Variants in RGMA observed in about 807,000 individuals in gnomAD.
RGMA encodes the protein repulsive guidance molecule BMP co-receptor a, also known as repulsive guidance molecule A.
In RGMA, 10 loss-of-function variants were observed where a neutral mutation model predicts 23.2. The observed-to-expected ratio is 0.43, with a 90% confidence interval of 0.27 to 0.73. RGMA has a LOEUF of 0.73. RGMA is among the 30% of genes least tolerant of loss of function. The probability of loss-of-function intolerance (pLI) is 0.20; values close to 1 mark genes in which losing one functional copy is unlikely to be tolerated. For missense variants in RGMA, 547 were observed against 630.5 expected (o/e 0.87, Z 1.42); for synonymous variants, 308 against 279.3 (o/e 1.10, Z -1.03).
At chr15:93,082,127 A>G (rs1895568282) in intron 1 of RGMA, among the ~76,000 whole-genome samples, 1 of 152,256 alleles carries the variant, frequency 6.6e-6, no homozygotes, top group Admixed American at 6.5e-5. Flanking sequence ...CCTGGCATAG[A>G]GTAAGTCTTG....
At chr15:93,062,899 G>A (rs1333540052) in intron 2 of RGMA, 3 of 152,460 alleles carry the variant, frequency 2.0e-5, no homozygotes, top group African/African-American at 4.8e-5. Flanking sequence ...GTCTTCCCAT[G>A]CCCATAACAA....
Position 93,080,326 on chromosome 15 carries a change from G to T in RGMA, c.15-7295C>A, listed in dbSNP as rs532254472. On this transcript the variant is annotated intron_variant, in intron 1 of 3. Coordinates refer to ENST00000329082, the MANE Select transcript of RGMA (RefSeq NM_020211.3). Reference sequence around the variant, plus strand: ...CGATCCTTCCTCCTCAGCCTCCCGAGTAGCTGGGACCACAGGTGCACACGC... The same window carrying T: ...CGATCCTTCCTCCTCAGCCTCCCGATTAGCTGGGACCACAGGTGCACACGC... Among the ~76,000 whole-genome samples, 17 of 152,174 alleles carry T rather than the reference G, an allele frequency of 1.1e-4. No individual in the cohort carries two copies. The South Asian group carries it at 3.5e-3, about 32-fold the overall frequency.
At chr15:93,069,113 T>TG (rs904010455) in intron 2 of RGMA, among the ~76,000 whole-genome samples, 30 of 135,478 alleles carry the variant, frequency 2.2e-4, no homozygotes, top group African/African-American at 7.6e-4. Flanking sequence ...TGCATTTTTT[T>TG]TTTGTTTGTT....
rs1435196213 is a variant in RGMA, at chr15:93,045,305, G to A, written c.1046C>T (p.Pro349Leu). 1.2e-6 allele frequency: 2 copies of A among 1,612,478 alleles called. No individual in the cohort carries two copies. Among genetic ancestry groups the A allele is most frequent in the Admixed American group, 3.3e-5 (2 of 59,986 alleles). The stretch of plus-strand genomic sequence containing the variant: ...GTATGGGAAGGTCTCGGGGGCTGTG[G>A]GTGCAGGGCTGGCGGCTGCCAGCCT... ...ARRLAAASPA[P>L]TAPETFPYET... Residue 349 changes from proline to leucine, a missense_variant, in exon 4 of 4, where the codon CCC becomes CTC. Pro to Leu is a moderately conservative substitution (Grantham distance 98). Transcript: ENST00000329082. This position sits in a 1 kb window ranked among gnomAD's most constrained non-coding sequence, Gnocchi z 6.9.
chr15:93,070,188 T>C (rs1465184598), intron 2 of RGMA, among the ~76,000 whole-genome samples: 1 of 152,210 alleles, frequency 6.6e-6, no homozygotes, highest in Admixed American at 6.5e-5. Flanking sequence ...GCCATCCACA[T>C]GGAGTAAGTA....
intron 2 of RGMA, among the ~76,000 whole-genome samples, chr15:93,059,905 AAAG>A (rs1342089060): frequency 6.6e-6 from 1 of 152,248 alleles, no homozygotes; most frequent in Non-Finnish European, 1.5e-5. Flanking sequence ...ACGTCCATGG[AAAG>A]AAGGAAGGAA....
intron 1 of RGMA, among the ~76,000 whole-genome samples, chr15:93,084,329 C>T (rs774683013): frequency 1.3e-5 from 2 of 152,180 alleles, no homozygotes; most frequent in African/African-American, 2.4e-5. Context: ...AGCATTTGAA[C>T]GGGCAGAATG....
In RGMA at chr15:93,039,904, C is replaced by A. The variant is rs1049566674; in HGVS notation, c.*5094G>T. Reference sequence around the variant, plus strand: ...AGTCACCTCCATATAGTAACTAGAACAATTCCTTTAATACCCAAGCCAAGG... The same window carrying A: ...AGTCACCTCCATATAGTAACTAGAAAAATTCCTTTAATACCCAAGCCAAGG... On this transcript the variant is annotated 3_prime_UTR_variant, in exon 4 of 4. Transcript: ENST00000329082. The A allele has an allele frequency of 9.2e-5, 14 of 152,254 alleles. No homozygotes were observed. Among genetic ancestry groups the A allele is most frequent in the African/African-American group, 2.7e-4 (11 of 41,436 alleles). The allele number at this position is 152,254 out of a possible 1,614,324, so 9.4% of individuals were successfully genotyped here.
intron 2 of RGMA, chr15:93,062,753 C>T (rs900861824): frequency 3.9e-5 from 6 of 152,310 alleles, no homozygotes; most frequent in Non-Finnish European, 5.9e-5. Flanking sequence ...CCACCACTTA[C>T]CAGCAGCAGC....
intron 2 of RGMA, among the ~76,000 whole-genome samples, chr15:93,067,491 C>T (rs530126703): frequency 6.6e-6 from 1 of 152,258 alleles, no homozygotes; most frequent in African/African-American, 2.4e-5. Context: ...ACGTAAGGCC[C>T]ATGAGGCACC....
At chr15:93,073,597 C>T (rs1210071367) in intron 1 of RGMA, 2 of 1,535,732 alleles carry the variant, frequency 1.3e-6, no homozygotes, top group East Asian at 4.9e-5. Flanking sequence ...AAGCTTCCAC[C>T]GACGCCCCCT....
chr15:93,074,896 C>G (rs1265451159), intron 1 of RGMA, among the ~76,000 whole-genome samples: 1 of 152,196 alleles, frequency 6.6e-6, no homozygotes, highest in Non-Finnish European at 1.5e-5. Context: ...CGAGCTAGTT[C>G]TAGAGTCTCT....
rs1420882537 is a variant in RGMA, at chr15:93,052,395, G to A, written c.243C>T (p.Ser81=). 5.0e-6 allele frequency: 8 copies of A among 1,599,338 alleles called. No homozygotes were observed. The African/African-American group carries it at 9.3e-5, about 19-fold the overall frequency. The change falls in exon 3 of 4, where the codon AGC becomes AGT. Residue 81 remains serine (S), a synonymous_variant. Transcript: ENST00000329082. The stretch of plus-strand genomic sequence containing the variant: ...CCGTCCGCCGCGTGCACAGGGCGTA[G>A]CTGCGCAAGGCTGCACAGAACTCGG... The part of the protein sequence containing the change: ...DTPEFCAALR[S]YALCTRRTAR...
At chr15:93,055,045 G>A (rs1454272071) in intron 2 of RGMA, among the ~76,000 whole-genome samples, 4 of 152,114 alleles carry the variant, frequency 2.6e-5, no homozygotes, top group South Asian at 2.1e-4. Context: ...TGACTGGCGC[G>A]GTGGCCTACA....
intron 2 of RGMA, among the ~76,000 whole-genome samples, chr15:93,055,462 T>C (rs2054998510): frequency 6.6e-6 from 1 of 152,162 alleles, no homozygotes; most frequent in Non-Finnish European, 1.5e-5. Context: ...TCCCCAGCTC[T>C]CAGGGGAAAG....
intron 1 of RGMA, among the ~76,000 whole-genome samples, chr15:93,080,910 G>A (rs975940119): frequency 2.0e-5 from 3 of 151,998 alleles, no homozygotes; most frequent in African/African-American, 4.8e-5. Flanking sequence ...CCCGACCACC[G>A]CTTTCTTCTT....
chr15:93,064,679 C>G (rs1212051923), intron 2 of RGMA, among the ~76,000 whole-genome samples: 4 of 152,232 alleles, frequency 2.6e-5, no homozygotes, highest in African/African-American at 7.2e-5. Context: ...GGGTATTCTG[C>G]CGGCTGGAGT....
At chr15:93,085,121 C>A (rs907899109) in intron 1 of RGMA, among the ~76,000 whole-genome samples, 3 of 152,164 alleles carry the variant, frequency 2.0e-5, no homozygotes, top group Non-Finnish European at 4.4e-5. Context: ...CTCTGTTTCA[C>A]AAGGACAGAA....
At position 93,051,976 on chromosome 15, in the gene RGMA, C is replaced by T. The variant is rs565776096; in HGVS notation, c.645+17G>A. 3.8e-5 allele frequency: 60 copies of T among 1,575,262 alleles called. No homozygotes were observed. In the East Asian group the frequency reaches 1.0e-3, roughly 27 times the overall value. On this transcript the variant is annotated intron_variant, in intron 3 of 3. Transcript: ENST00000329082. ...AAAGGGCAGGGCTGTGCCCTACAGC[C>T]GCCCCCTCCCCCTTACCTTGCTGGT... is the stretch of plus-strand genomic sequence containing the variant.
Sources: allele counts gnomAD v4.1 joint callset (sites outside exome capture counted in the v4.1 genomes callset), GRCh38; gene constraint gnomAD v4.1.1; non-coding constraint Gnocchi (gnomAD v3.1); transcripts MANE v1.5; gene names NCBI Gene and HGNC (gene_info 2026-07-23, HGNC 2026-07-21).